The following ATXN7L1 variants were observed in gnomAD, a reference collection of about 807,000 sequenced individuals.
The protein encoded by ATXN7L1 is ataxin 7 like 1.
A neutral mutation model predicts 70.8 loss-of-function variants in ATXN7L1; 15 were observed. The ratio of observed to expected loss-of-function variants is 0.21; its 90% CI spans 0.14 to 0.33. The LOEUF (loss-of-function observed/expected upper bound fraction) is 0.33, where lower values mean the gene tolerates loss of function less well. Among genes scored for constraint, ATXN7L1 ranks in the 10% least tolerant of loss-of-function variants. The pLI, the probability that ATXN7L1 is intolerant of heterozygous loss-of-function variation, is 1.00. For missense variants in ATXN7L1, 975 were observed against 1,097.1 expected (o/e 0.89, Z 1.57); for synonymous variants, 440 against 445.1 (o/e 0.99, Z 0.14).
chr7:105,793,415 T>A (rs1466279866), intron 2 of ATXN7L1, among the ~76,000 whole-genome samples: 1 of 152,144 alleles, frequency 6.6e-6, no homozygotes, highest in Non-Finnish European at 1.5e-5. Flanking sequence ...CTTTCATCAT[T>A]ACCTCTCTTA....
intron 2 of ATXN7L1, among the ~76,000 whole-genome samples, chr7:105,849,891 G>A (rs1413929878): frequency 6.6e-6 from 1 of 152,192 alleles, no homozygotes; most frequent in Non-Finnish European, 1.5e-5. Flanking sequence ...TACCACAAGA[G>A]CTTTCTGTGA....
intron 2 of ATXN7L1, among the ~76,000 whole-genome samples, chr7:105,865,442 C>T (rs986226117): frequency 6.6e-6 from 1 of 151,236 alleles, no homozygotes; most frequent in Non-Finnish European, 1.5e-5. Flanking sequence ...CGCTGTGTTG[C>T]CCAGGCTGGG....
chr7:105,740,158 A>T (rs1330157291), intron 3 of ATXN7L1, among the ~76,000 whole-genome samples: 1 of 152,214 alleles, frequency 6.6e-6, no homozygotes, highest in East Asian at 1.9e-4. Flanking sequence ...ACAATCTCTG[A>T]ATCAAGAACA....
intron 3 of ATXN7L1, among the ~76,000 whole-genome samples, chr7:105,720,306 G>A (rs1042329160): frequency 2.6e-5 from 4 of 152,068 alleles, no homozygotes; most frequent in African/African-American, 9.7e-5. Flanking sequence ...GGCTGAGGTG[G>A]GTGAATTGCC....
intron 3 of ATXN7L1, among the ~76,000 whole-genome samples, chr7:105,704,846 G>A (rs1409628102): frequency 5.9e-5 from 9 of 151,796 alleles, no homozygotes; most frequent in Admixed American, 3.3e-4. Context: ...CCTAACCTCA[G>A]GTGATCTGCC....
chr7:105,633,182 C>T (rs1382176432), intron 7 of ATXN7L1, among the ~76,000 whole-genome samples: 1 of 152,086 alleles, frequency 6.6e-6, no homozygotes, highest in Non-Finnish European at 1.5e-5. Flanking sequence ...AAAATATTTT[C>T]AAGTGTGCAA....
chr7:105,706,643 A>G (rs62487046), intron 3 of ATXN7L1, among the ~76,000 whole-genome samples: 12,605 of 152,294 alleles, frequency 0.083, 626 homozygotes, highest in Non-Finnish European at 0.11. Flanking sequence ...TCACTATGCC[A>G]GCCACCAGCA....
chr7:105,715,194 G>A (rs957405201), intron 3 of ATXN7L1, among the ~76,000 whole-genome samples: 7 of 152,172 alleles, frequency 4.6e-5, no homozygotes, highest in Non-Finnish European at 1.0e-4. Flanking sequence ...AAGAGATCAC[G>A]TGTGGGCTCA....
At chr7:105,669,448 A>G (rs1479177599) in intron 3 of ATXN7L1, among the ~76,000 whole-genome samples, 1 of 152,222 alleles carries the variant, frequency 6.6e-6, no homozygotes, top group Non-Finnish European at 1.5e-5. Context: ...AAACCTGAAG[A>G]CAGCCCTTTG....
chr7:105,643,653 G>A (rs1348764648), intron 4 of ATXN7L1, among the ~76,000 whole-genome samples: 2 of 152,238 alleles, frequency 1.3e-5, no homozygotes, highest in Admixed American at 6.5e-5. Flanking sequence ...GCTGCACGGC[G>A]TGCTGTCGGA....
intron 3 of ATXN7L1, among the ~76,000 whole-genome samples, chr7:105,744,022 T>G (rs1177205126): frequency 6.6e-6 from 1 of 152,196 alleles, no homozygotes; most frequent in Non-Finnish European, 1.5e-5. Flanking sequence ...CAGCATGAGC[T>G]TGATGGCTGA....
At chr7:105,856,451 T>C (rs1239170193) in intron 2 of ATXN7L1, among the ~76,000 whole-genome samples, 1 of 152,014 alleles carries the variant, frequency 6.6e-6, no homozygotes, top group Non-Finnish European at 1.5e-5. Context: ...CGGGGCATGG[T>C]GGCAGGAGCC....
chr7:105,720,273 C>G (rs1053359146), intron 3 of ATXN7L1, among the ~76,000 whole-genome samples: 1 of 152,184 alleles, frequency 6.6e-6, no homozygotes, highest in Non-Finnish European at 1.5e-5. Context: ...AGTGCTTACG[C>G]CTGTAATCCC....
At chr7:105,826,184 T>A (rs180830671) in intron 2 of ATXN7L1, among the ~76,000 whole-genome samples, 1 of 152,348 alleles carries the variant, frequency 6.6e-6, no homozygotes, top group African/African-American at 2.4e-5. Context: ...AAGTTTTTAG[T>A]ACAACTTGGC....
At chr7:105,616,768 AC>A (rs1176883327) in intron 9 of ATXN7L1, among the ~76,000 whole-genome samples, 1 of 152,078 alleles carries the variant, frequency 6.6e-6, no homozygotes, top group Non-Finnish European at 1.5e-5. Context: ...GCCCTGCACA[AC>A]CCCTTCCTAA....
chr7:105,631,034 A>T (rs1220702869), intron 7 of ATXN7L1, among the ~76,000 whole-genome samples: 1 of 152,182 alleles, frequency 6.6e-6, no homozygotes, highest in Non-Finnish European at 1.5e-5. Flanking sequence ...AAGACTGAAG[A>T]GGGTGGAATA....
At chr7:105,608,265 C>G (rs1327003729) in intron 11 of ATXN7L1, among the ~76,000 whole-genome samples, 1 of 152,170 alleles carries the variant, frequency 6.6e-6, no homozygotes, top group East Asian at 1.9e-4. Flanking sequence ...CAAATTATCT[C>G]AGGAAGGATT....
At chr7:105,847,172 TCA>T (rs1272373823) in intron 2 of ATXN7L1, among the ~76,000 whole-genome samples, 1 of 152,186 alleles carries the variant, frequency 6.6e-6, no homozygotes, top group Non-Finnish European at 1.5e-5. Flanking sequence ...GAGCCAAGCG[TCA>T]CAGAGAAGAG....
chr7:105,797,853 G>A (rs544938110), intron 2 of ATXN7L1, among the ~76,000 whole-genome samples: 21 of 152,176 alleles, frequency 1.4e-4, no homozygotes, highest in African/African-American at 5.1e-4. Context: ...TCACCAGACG[G>A]CAATCTTCCG....
Sources: allele counts gnomAD v4.1 joint callset (sites outside exome capture counted in the v4.1 genomes callset), GRCh38; gene constraint gnomAD v4.1.1; transcripts MANE v1.5; gene names NCBI Gene and HGNC (gene_info 2026-07-23, HGNC 2026-07-21).